Variants in ROCK1 observed in about 807,000 individuals in gnomAD.
ROCK1 encodes the protein Rho associated coiled-coil containing protein kinase 1.
A neutral mutation model predicts 196.8 loss-of-function variants in ROCK1; 36 were observed. That is an observed-to-expected ratio of 0.18 (90% CI 0.14 to 0.24). The LOEUF is 0.24. ROCK1 is among the 10% of genes least tolerant of loss of function. The pLI, the probability that ROCK1 is intolerant of heterozygous loss-of-function variation, is 1.00. For missense variants in ROCK1, 920 were observed against 1,562.0 expected (o/e 0.59, Z 6.93); for synonymous variants, 443 against 515.9 (o/e 0.86, Z 1.91).
chr18:21,070,567 C>T lies in ROCK1; in HGVS notation c.140G>A (p.Arg47Lys). ...LVYDLDFPAL[R>K]KNKNIDNFLS... Reference sequence around the variant, plus strand: ...AAAGTTGTCAATATTTTTGTTTTTTCTTAAGGCAGGAAAATCCAAATCATA... The same window carrying T: ...AAAGTTGTCAATATTTTTGTTTTTTTTTAAGGCAGGAAAATCCAAATCATA... Residue 47 changes from arginine (R) to lysine (K), a missense_variant, in exon 2 of 33, where the codon AGA (arginine) becomes AAA (lysine). By Grantham distance (26) the Arg-to-Lys change is conservative. This residue lies in a region of ROCK1 where 234 missense variants were observed against 460.7 expected (regional missense o/e 0.51). Transcript: ENST00000399799. The T allele has an allele frequency of 6.2e-7, 1 of 1,604,288 alleles. No individual in the cohort carries two copies. Among genetic ancestry groups the T allele is most frequent in the Non-Finnish European group, 8.5e-7 (1 of 1,174,506 alleles).
rs1235276474 is a variant in ROCK1, at chr18:20,949,508, T to C, written c.*1876A>G. 1 of 152,296 alleles carries C rather than the reference T, an allele frequency of 6.6e-6. No homozygotes were observed. The highest frequency in any genetic ancestry group is 1.5e-5 in the Non-Finnish European group (1 of 68,070). The allele number at this position is 152,296 out of a possible 1,614,324, so 9.4% of individuals were successfully genotyped here. A position where few individuals can be genotyped will look rare whatever the true frequency, so the allele number is the denominator to read the frequency against. ...TCATAGGTGGGAGACGTTATCTTTATTATACTGGACAGTAAAAGAACCCGA... is the reference window on the plus strand; with the variant it reads ...TCATAGGTGGGAGACGTTATCTTTACTATACTGGACAGTAAAAGAACCCGA... On this transcript the variant is annotated 3_prime_UTR_variant, in exon 33 of 33. Transcript: ENST00000399799.
intron 1 of ROCK1, among the ~76,000 whole-genome samples, chr18:21,109,560 TC>T (rs372413113): frequency 1.3e-5 from 2 of 152,330 alleles, no homozygotes; most frequent in African/African-American, 4.8e-5. Flanking sequence ...GCATCAACCT[TC>T]TTTACTATCT....
chr18:20,985,468 TAC>T (rs1290463506), intron 19 of ROCK1, among the ~76,000 whole-genome samples: 4 of 152,212 alleles, frequency 2.6e-5, no homozygotes, highest in Non-Finnish European at 5.9e-5. Flanking sequence ...TCAAATGTCA[TAC>T]TCTTAGCAAG....
intron 25 of ROCK1, 128 bp downstream of exon 25, chr18:20,968,644 C>T (rs1483468602): frequency 3.2e-6 from 2 of 628,330 alleles, no homozygotes; most frequent in African/African-American, 1.9e-5. Context: ...TTATAGTTAG[C>T]GGGGAGAGAA....
At chr18:21,078,824 C>T (rs1396344743) in intron 1 of ROCK1, among the ~76,000 whole-genome samples, 2 of 152,154 alleles carry the variant, frequency 1.3e-5, no homozygotes, top group Non-Finnish European at 2.9e-5. Context: ...CTCCTTTTCT[C>T]GGGCCTCCTC....
chr18:21,050,719 A>G (rs2036196964), intron 2 of ROCK1, among the ~76,000 whole-genome samples: 1 of 152,198 alleles, frequency 6.6e-6, no homozygotes, highest in African/African-American at 2.4e-5. Context: ...ATTTAAACTC[A>G]AGTGTTTGTG....
intron 14 of ROCK1, 114 bp from the exon 15 acceptor site, chr18:21,006,904 G>T: frequency 1.5e-6 from 1 of 662,200 alleles, no homozygotes; most frequent in Non-Finnish European, 2.4e-6. Context: ...AGCTACATTA[G>T]GTCCACTCCC....
intron 22 of ROCK1, among the ~76,000 whole-genome samples, chr18:20,970,771 T>C (rs192791742): frequency 4.1e-4 from 63 of 152,302 alleles, no homozygotes; most frequent in African/African-American, 1.5e-3. Context: ...CAATAGCAAA[T>C]AGTCTGCTTT....
chr18:21,027,972 A>G (rs1328734853), intron 10 of ROCK1, among the ~76,000 whole-genome samples: 1 of 145,074 alleles, frequency 6.9e-6, no homozygotes. Flanking sequence ...CGTGTTAGCC[A>G]GGATGGTCTC....
chr18:21,038,502 T>C (rs553443337), intron 9 of ROCK1, among the ~76,000 whole-genome samples: 1 of 152,322 alleles, frequency 6.6e-6, no homozygotes, highest in South Asian at 2.1e-4. Flanking sequence ...AAATATTTGA[T>C]AACTAGAATG....
chr18:21,003,406 GACT>G (rs1161148911), intron 16 of ROCK1, among the ~76,000 whole-genome samples: 1 of 152,072 alleles, frequency 6.6e-6, no homozygotes, highest in Non-Finnish European at 1.5e-5. Flanking sequence ...CAAATTATGA[GACT>G]ACTAGAGGAA....
intron 22 of ROCK1, among the ~76,000 whole-genome samples, chr18:20,972,451 T>A (rs1307471039): frequency 6.6e-6 from 1 of 152,120 alleles, no homozygotes; most frequent in Non-Finnish European, 1.5e-5. Context: ...AGGATGTACT[T>A]GGACTCTGAC....
intron 4 of ROCK1, among the ~76,000 whole-genome samples, chr18:21,048,715 A>G (rs1170135601): frequency 6.6e-6 from 1 of 151,722 alleles, no homozygotes; most frequent in Non-Finnish European, 1.5e-5. Context: ...ATGCCTCAAT[A>G]ATTTTTTTAA....
intron 16 of ROCK1, among the ~76,000 whole-genome samples, chr18:20,999,838 G>A (rs534853116): frequency 1.3e-5 from 2 of 152,192 alleles, no homozygotes; most frequent in South Asian, 4.1e-4. Flanking sequence ...GTTGCTCGGG[G>A]GGGTCTCAAA....
chr18:21,015,626 T>C, intron 12 of ROCK1, 147 bp from the exon 13 acceptor site: 2 of 623,318 alleles, frequency 3.2e-6, no homozygotes. Flanking sequence ...AAGTGAAGCC[T>C]ATGGCCTTTT....
intron 18 of ROCK1, among the ~76,000 whole-genome samples, chr18:20,987,641 T>C (rs1485071459): frequency 6.6e-6 from 1 of 152,232 alleles, no homozygotes; most frequent in Non-Finnish European, 1.5e-5. Flanking sequence ...TTTTGAAATA[T>C]AACTAAGCTT....
At chr18:20,981,278 C>T (rs932667362) in intron 21 of ROCK1, among the ~76,000 whole-genome samples, 2 of 151,882 alleles carry the variant, frequency 1.3e-5, no homozygotes, top group African/African-American at 4.8e-5. Flanking sequence ...CCTGTAGTTC[C>T]AGCTACTCGG....
intron 9 of ROCK1, among the ~76,000 whole-genome samples, chr18:21,035,564 C>T (rs1402249251): frequency 2.6e-5 from 4 of 152,028 alleles, no homozygotes; most frequent in African/African-American, 9.7e-5. Context: ...TAATAGAAAA[C>T]AGGGATATTA....
At chr18:20,964,007 A>T (rs1480507551) in intron 27 of ROCK1, among the ~76,000 whole-genome samples, 1 of 152,156 alleles carries the variant, frequency 6.6e-6, no homozygotes, top group East Asian at 1.9e-4. Context: ...CAAAATGGCC[A>T]CTAAGGATTC....
Sources: allele counts gnomAD v4.1 joint callset (sites outside exome capture counted in the v4.1 genomes callset), GRCh38; gene constraint gnomAD v4.1.1; regional missense constraint gnomAD v4.1.1; transcripts MANE v1.5; gene names NCBI Gene and HGNC (gene_info 2026-07-23, HGNC 2026-07-21).